GUCY1A2: variants seen among roughly 807,000 people sequenced by gnomAD.
GUCY1A2 encodes guanylate cyclase soluble subunit alpha-2.
A neutral mutation model predicts 63.5 loss-of-function variants in GUCY1A2; 27 were observed. That is an observed-to-expected ratio of 0.43 (90% CI 0.31 to 0.59). The LOEUF (loss-of-function observed/expected upper bound fraction) is 0.59. Ranked by LOEUF, GUCY1A2 falls within the 20% of genes least tolerant of loss-of-function variation. The pLI is 0.11. For missense variants in GUCY1A2, 768 were observed against 913.3 expected (o/e 0.84, Z 2.05); for synonymous variants, 364 against 343.5 (o/e 1.06, Z -0.66).
At chr11:106,970,500 A>G (rs1861179811) in intron 3 of GUCY1A2, among the ~76,000 whole-genome samples, 1 of 152,208 alleles carries the variant, frequency 6.6e-6, no homozygotes, top group African/African-American at 2.4e-5. Flanking sequence ...ATAAAGAGAT[A>G]ACAGGTGCTG....
intron 3 of GUCY1A2, among the ~76,000 whole-genome samples, chr11:106,958,788 T>A (rs1861023191): frequency 6.6e-6 from 1 of 152,232 alleles, no homozygotes; most frequent in Admixed American, 6.5e-5. Context: ...TTTGTGTATA[T>A]GTGCTCTAAC....
chr11:106,804,379 G>T (rs1197918408), intron 5 of GUCY1A2, among the ~76,000 whole-genome samples: 1 of 152,144 alleles, frequency 6.6e-6, no homozygotes, highest in Non-Finnish European at 1.5e-5. Context: ...GAAAAATGAA[G>T]CAGTTACTCT....
chr11:106,835,135 C>T (rs546451363), intron 4 of GUCY1A2, among the ~76,000 whole-genome samples: 20 of 151,546 alleles, frequency 1.3e-4, no homozygotes, highest in African/African-American at 4.1e-4. Flanking sequence ...CTAGATTTTA[C>T]GACTTGGAAT....
At chr11:106,964,076 C>T (rs1861095682) in intron 3 of GUCY1A2, among the ~76,000 whole-genome samples, 1 of 151,912 alleles carries the variant, frequency 6.6e-6, no homozygotes, top group Non-Finnish European at 1.5e-5. Flanking sequence ...CACACCCACA[C>T]ATCATTTGAG....
At chr11:106,980,778 C>T (rs1032839443) in intron 2 of GUCY1A2, among the ~76,000 whole-genome samples, 1 of 152,130 alleles carries the variant, frequency 6.6e-6, no homozygotes, top group African/African-American at 2.4e-5. Flanking sequence ...TGAGATCAGA[C>T]TCCAATAAAC....
chr11:107,017,727 G>A (rs773445896), intron 1 of GUCY1A2, 26 bp downstream of exon 1: 1 of 1,311,746 alleles, frequency 7.6e-7, no homozygotes, highest in Non-Finnish European at 9.9e-7. Context: ...CCCCGAAGGC[G>A]GTCCCCCCTT....
intron 7 of GUCY1A2, among the ~76,000 whole-genome samples, chr11:106,700,083 T>A (rs2135342853): frequency 6.6e-6 from 1 of 152,310 alleles, no homozygotes; most frequent in Admixed American, 6.5e-5. Context: ...TACTCTTCAT[T>A]TCATATCTAT....
At chr11:106,784,829 T>C (rs930310189) in intron 5 of GUCY1A2, among the ~76,000 whole-genome samples, 4 of 152,186 alleles carry the variant, frequency 2.6e-5, no homozygotes, top group Non-Finnish European at 5.9e-5. Context: ...AGCTCCGTAC[T>C]TGTCCTCCAT....
intron 5 of GUCY1A2, among the ~76,000 whole-genome samples, chr11:106,800,801 T>C (rs1243223045): frequency 2.6e-5 from 4 of 151,820 alleles, no homozygotes; most frequent in Admixed American, 2.6e-4. Flanking sequence ...GACGAGTTAA[T>C]GGGTGCAGCA....
intron 4 of GUCY1A2, among the ~76,000 whole-genome samples, chr11:106,816,419 A>G (rs1233608004): frequency 6.6e-6 from 1 of 151,924 alleles, no homozygotes; most frequent in Admixed American, 6.6e-5. Context: ...AATTGCATAA[A>G]ATGAAATCAA....
chr11:106,814,635 G>T (rs944674359), intron 4 of GUCY1A2, among the ~76,000 whole-genome samples: 10 of 151,996 alleles, frequency 6.6e-5, no homozygotes, highest in African/African-American at 1.7e-4. Context: ...GGAGAAGCTT[G>T]CTCTGCACCC....
At chr11:106,760,819 C>G (rs552993534) in intron 6 of GUCY1A2, among the ~76,000 whole-genome samples, 1 of 152,002 alleles carries the variant, frequency 6.6e-6, no homozygotes, top group Non-Finnish European at 1.5e-5. Flanking sequence ...AAAAAATCCA[C>G]GTCAACTTTG....
At chr11:106,712,439 T>C (rs1436276206) in intron 6 of GUCY1A2, among the ~76,000 whole-genome samples, 1 of 152,204 alleles carries the variant, frequency 6.6e-6, no homozygotes, top group Non-Finnish European at 1.5e-5. Context: ...TGCCCTTGTC[T>C]GCTAATTCTA....
intron 5 of GUCY1A2, among the ~76,000 whole-genome samples, chr11:106,797,195 T>G (rs995937247): frequency 6.6e-6 from 1 of 152,104 alleles, no homozygotes; most frequent in Admixed American, 6.6e-5. Flanking sequence ...TTTCAAGGTT[T>G]TAACTTCTTT....
chr11:107,001,811 G>C (rs1861615957), intron 1 of GUCY1A2, among the ~76,000 whole-genome samples: 1 of 152,062 alleles, frequency 6.6e-6, no homozygotes, highest in Non-Finnish European at 1.5e-5. Context: ...CTGAGGTCAG[G>C]AGTTCAAGAC....
At chr11:106,769,444 G>A (rs1032438393) in intron 6 of GUCY1A2, among the ~76,000 whole-genome samples, 7 of 152,092 alleles carry the variant, frequency 4.6e-5, no homozygotes, top group African/African-American at 1.7e-4. Context: ...ATAGATCTAA[G>A]GAGAGTATGT....
At chr11:106,999,261 G>A (rs1861582376) in intron 1 of GUCY1A2, among the ~76,000 whole-genome samples, 1 of 152,120 alleles carries the variant, frequency 6.6e-6, no homozygotes, top group African/African-American at 2.4e-5. Context: ...AATAAAGACA[G>A]AGAGAGAGAA....
intron 6 of GUCY1A2, among the ~76,000 whole-genome samples, chr11:106,743,930 TA>T (rs1863740644): frequency 6.6e-6 from 1 of 152,266 alleles, no homozygotes; most frequent in South Asian, 2.1e-4. Context: ...TGCAGAAAAC[TA>T]AAAGGTTGCC....
At chr11:106,973,367 AC>A (rs1316702503) in intron 3 of GUCY1A2, among the ~76,000 whole-genome samples, 1 of 152,084 alleles carries the variant, frequency 6.6e-6, no homozygotes, top group African/African-American at 2.4e-5. Context: ...GTGATGGGAA[AC>A]ACCATCACCC....
Sources: allele counts gnomAD v4.1 joint callset (sites outside exome capture counted in the v4.1 genomes callset), GRCh38; gene constraint gnomAD v4.1.1; transcripts MANE v1.5; gene names NCBI Gene and HGNC (gene_info 2026-07-23, HGNC 2026-07-21).